Variants in PLXNC1 observed in about 807,000 individuals in gnomAD.
PLXNC1 encodes plexin C1, also known as plexin-C1.
Under a neutral mutation model 178.2 loss-of-function variants are expected in PLXNC1, and 75 were observed. The observed-to-expected ratio is 0.42, with a 90% CI of 0.35 to 0.51. PLXNC1 has a LOEUF of 0.51. Among genes scored for constraint, PLXNC1 ranks in the 20% least tolerant of loss-of-function variants. The probability of loss-of-function intolerance (pLI) is 0.02; values close to 1 mark genes in which losing one functional copy is unlikely to be tolerated. For missense variants in PLXNC1, 1,503 were observed against 1,984.4 expected (o/e 0.76, Z 4.61); for synonymous variants, 790 against 779.9 (o/e 1.01, Z -0.22).
chr12:94,250,704 T>C (rs145065505), intron 14 of PLXNC1, among the ~76,000 whole-genome samples: 1 of 152,088 alleles, frequency 6.6e-6, no homozygotes, highest in Non-Finnish European at 1.5e-5. Context: ...GCCAATCTGG[T>C]TTTTGCCACA....
intron 4 of PLXNC1, among the ~76,000 whole-genome samples, chr12:94,201,748 C>CT (rs10529488): frequency 1.3e-4 from 7 of 54,498 alleles, no homozygotes; most frequent in African/African-American, 2.2e-4. Context: ...CTTCCCACTA[C>CT]TTTTTTTTTT....
At chr12:94,192,344 G>A (rs902048983) in intron 4 of PLXNC1, among the ~76,000 whole-genome samples, 4 of 151,838 alleles carry the variant, frequency 2.6e-5, no homozygotes, top group Non-Finnish European at 5.9e-5. Flanking sequence ...TATTTTTTAA[G>A]CACAACAATG....
intron 24 of PLXNC1, among the ~76,000 whole-genome samples, chr12:94,295,577 C>T (rs1450057280): frequency 1.3e-5 from 2 of 152,162 alleles, no homozygotes; most frequent in East Asian, 3.8e-4. Context: ...CTGAGAGCCA[C>T]CGTCTTACAC....
At position 94,272,802 on chromosome 12, in the gene PLXNC1, G is replaced by A. The variant is rs76832178; in HGVS notation, c.3598-6670G>A. On this transcript the variant is annotated intron_variant, in intron 21 of 30. Transcript: ENST00000258526. ...TGTAAAAATGTCCTTGGGTGGCACC[G>A]GAGGCACAGGGTGCTCCAGATTCAG... 9.9e-5 allele frequency among the ~76,000 whole-genome samples: 15 copies of A among 152,270 alleles called. No homozygotes were observed. The South Asian group carries it at 2.1e-3, about 21-fold the overall frequency.
chr12:94,231,061 C>A (rs116645550), intron 9 of PLXNC1, among the ~76,000 whole-genome samples: 127 of 152,124 alleles, frequency 8.3e-4, no homozygotes, highest in African/African-American at 3.0e-3. Flanking sequence ...TATGAAGGTA[C>A]AAGAAAGTAC....
intron 21 of PLXNC1, among the ~76,000 whole-genome samples, chr12:94,273,919 C>G (rs544544775): frequency 6.6e-6 from 1 of 152,134 alleles, no homozygotes; most frequent in East Asian, 1.9e-4. Context: ...CCCTACATTC[C>G]GTGGTGTCAG....
intron 2 of PLXNC1, among the ~76,000 whole-genome samples, chr12:94,178,133 C>T (rs182710553): frequency 5.3e-5 from 8 of 152,292 alleles, no homozygotes; most frequent in Admixed American, 2.6e-4. Context: ...CTAGAGCAGT[C>T]TCCTCCCTTA....
Position 94,251,436 on chromosome 12 carries a change from G to A in PLXNC1, c.2789G>A (p.Gly930Glu). The change falls in exon 15 of 31, where the codon GGA (glycine) becomes GAA (glutamate). Residue 930 changes from glycine to glutamate, a missense_variant. Coordinates refer to ENST00000258526, the MANE Select transcript of PLXNC1 (RefSeq NM_005761.3). ...TCTTTGTCCCATCAGGTCAAGCTGGGAAACCTGGAGCTCTACGTCGAGCAG... is the reference window on the plus strand; with the variant it reads ...TCTTTGTCCCATCAGGTCAAGCTGGAAAACCTGGAGCTCTACGTCGAGCAG... ...NSSKKVRVKL[G>E]NLELYVEQES... is the part of the protein sequence containing the mutation. 1 of 1,609,640 alleles carries A rather than the reference G, an allele frequency of 6.2e-7. No individual in the cohort carries two copies. Among genetic ancestry groups the A allele is most frequent in the Non-Finnish European group, 8.5e-7 (1 of 1,175,864 alleles).
chr12:94,214,656 C>A (rs923748665), intron 5 of PLXNC1, among the ~76,000 whole-genome samples: 2 of 152,084 alleles, frequency 1.3e-5, no homozygotes, highest in African/African-American at 2.4e-5. Flanking sequence ...ATATCAATAA[C>A]CTTACTACAT....
chr12:94,277,510 T>C (rs1212859162), intron 21 of PLXNC1, among the ~76,000 whole-genome samples: 1 of 152,212 alleles, frequency 6.6e-6, no homozygotes, highest in African/African-American at 2.4e-5. Flanking sequence ...TTACTGTTGT[T>C]ATGCCCTCTT....
rs1477697415 is a variant in PLXNC1, at chr12:94,306,814, C to CAGTT, written c.*1531_*1534dup. 6.6e-6 allele frequency: 1 copy of CAGTT among 152,142 alleles called. No homozygotes were observed. The highest frequency in any genetic ancestry group is 2.4e-5 in the African/African-American group (1 of 41,434). The allele number at this position is 152,142 out of a possible 1,614,324, so 9.4% of individuals were successfully genotyped here. ...CAACAAACTGATCAGAGAAAATAAGCAGTTACTACCCTGATAGGCACCTTC... is the reference window on the plus strand; with the variant it reads ...CAACAAACTGATCAGAGAAAATAAGCAGTTAGTTACTACCCTGATAGGCACCTTC... On this transcript the variant is annotated 3_prime_UTR_variant, in exon 31 of 31. Transcript: ENST00000258526.
intron 22 of PLXNC1, chr12:94,279,935 A>T: frequency 1.9e-6 from 1 of 538,048 alleles, no homozygotes; most frequent in South Asian, 1.8e-5. Flanking sequence ...AGGCCCTGAG[A>T]CTGCACGGAA....
intron 23 of PLXNC1, among the ~76,000 whole-genome samples, chr12:94,290,521 C>T (rs994473825): frequency 6.6e-6 from 1 of 152,196 alleles, no homozygotes; most frequent in Admixed American, 6.5e-5. Flanking sequence ...GTGCTGCCCC[C>T]ACCCCACCAC....
In PLXNC1 at chr12:94,237,847, C is replaced by T. The variant is rs772163049; in HGVS notation, c.2120+44C>T. 7.5e-6 allele frequency: 12 copies of T among 1,592,600 alleles called. No homozygotes were observed. The South Asian group carries it at 8.9e-5, about 12-fold the overall frequency. The stretch of plus-strand genomic sequence containing the variant: ...AATTTATCCTCGGTAACGTAACGCT[C>T]AAACCTGTGCCAAAGGAATATCAGT... On this transcript the variant is annotated intron_variant, in intron 10 of 30. Transcript: ENST00000258526.
intron 4 of PLXNC1, among the ~76,000 whole-genome samples, chr12:94,190,403 C>A (rs774460902): frequency 6.6e-6 from 1 of 152,090 alleles, no homozygotes; most frequent in Non-Finnish European, 1.5e-5. Context: ...CCACCATGCC[C>A]AGGTTTTTTT....
chr12:94,265,531 T>G (rs1965185235), intron 21 of PLXNC1, among the ~76,000 whole-genome samples: 1 of 152,240 alleles, frequency 6.6e-6, no homozygotes, highest in Non-Finnish European at 1.5e-5. Flanking sequence ...GTACTCCCTA[T>G]TCAGCACTTA....
chr12:94,239,537 G>A (rs1964325139), intron 10 of PLXNC1, among the ~76,000 whole-genome samples: 1 of 152,132 alleles, frequency 6.6e-6, no homozygotes, highest in South Asian at 2.1e-4. Context: ...TCATGCACAT[G>A]GCCTTTAAGT....
At position 94,181,578 on chromosome 12, in the gene PLXNC1, G is replaced by C; in HGVS notation, c.1336G>C (p.Glu446Gln). 1 of 1,605,174 alleles carries C rather than the reference G, an allele frequency of 6.2e-7. No homozygotes were observed. Among genetic ancestry groups the C allele is most frequent in the Non-Finnish European group, 8.5e-7 (1 of 1,174,218 alleles). Reference sequence around the variant, plus strand: ...CTACATTTATCTAACAGCTGGGAAAGAGGTAGGTAGAAATACTAGTTATTG... The same window carrying C: ...CTACATTTATCTAACAGCTGGGAAACAGGTAGGTAGAAATACTAGTTATTG... ...NIYIYLTAGKEVRRIRVANCN... is the reference protein window; with the variant it reads ...NIYIYLTAGKQVRRIRVANCN... The change falls in exon 3 of 31, where the codon GAG (glutamate) becomes CAG (glutamine). Residue 446 changes from glutamate to glutamine, a missense_variant and splice_region_variant. Around this residue, in one of 4 missense-constraint regions of PLXNC1, gnomAD observed 615 missense variants for 698.6 expected, o/e 0.88. Coordinates refer to ENST00000258526, the MANE Select transcript of PLXNC1 (RefSeq NM_005761.3).
intron 9 of PLXNC1, among the ~76,000 whole-genome samples, chr12:94,231,891 G>A (rs1405179521): frequency 1.3e-5 from 2 of 152,152 alleles, no homozygotes; most frequent in Non-Finnish European, 2.9e-5. Flanking sequence ...TGAGACCAGA[G>A]ATAGTTCCCC....
Sources: gnomAD v4.1 joint callset for allele counts (sites outside exome capture counted in the v4.1 genomes callset) on GRCh38, gnomAD v4.1.1 for gene constraint, gnomAD v4.1.1 regional missense constraint, MANE v1.5 for transcripts, NCBI Gene and HGNC (gene_info 2026-07-23, HGNC 2026-07-21) for gene names.